The following PTPRD variants were observed in gnomAD, a reference collection of about 807,000 sequenced individuals.
PTPRD encodes the protein protein tyrosine phosphatase receptor type D, also known as receptor-type tyrosine-protein phosphatase delta.
In PTPRD, 34 loss-of-function variants were observed where a neutral mutation model predicts 214.5. That is an observed-to-expected ratio of 0.16 (90% CI 0.12 to 0.21). The LOEUF (loss-of-function observed/expected upper bound fraction) is 0.21, where lower values mean the gene tolerates loss of function less well. Ranked by LOEUF, PTPRD falls within the 10% of genes least tolerant of loss-of-function variation. The pLI is 1.00. For synonymous variants in PTPRD, 1,128 were observed against 845.7 expected, an observed-to-expected ratio of 1.33 and a Z score of -5.79; for missense variants, 2,545 against 2,398.7, an observed-to-expected ratio of 1.06 and a Z score of -1.27.
At chr9:8,995,751 C>T (rs1172271228) in intron 11 of PTPRD, among the ~76,000 whole-genome samples, 2 of 151,470 alleles carry the variant, frequency 1.3e-5, no homozygotes, top group Non-Finnish European at 2.9e-5. Context: ...GTGTTATATA[C>T]TGGTTCCTAA....
chr9:9,243,266 A>AG lies in PTPRD; in HGVS notation c.-202-59904dup, dbSNP rs552290393. On this transcript the variant is annotated intron_variant, in intron 9 of 45. Coordinates refer to ENST00000381196, the MANE Select transcript of PTPRD (RefSeq NM_002839.4). ...AAACTATTACAATCAATAGAAAAAG[A>AG]GGAATCCTCCCTAACTCATTTTATG... 3.9e-4 allele frequency among the ~76,000 whole-genome samples: 59 copies of AG among 152,246 alleles called. No individual in the cohort carries two copies. In the South Asian group the frequency reaches 9.1e-3, roughly 24 times the overall value.
intron 7 of PTPRD, among the ~76,000 whole-genome samples, chr9:9,619,891 T>C (rs2095138436): frequency 6.7e-6 from 1 of 149,756 alleles, no homozygotes; most frequent in Non-Finnish European, 1.5e-5. Context: ...TGTTTTTATA[T>C]ACAGATATTT....
chr9:9,781,027 G>C (rs576447262), intron 5 of PTPRD, among the ~76,000 whole-genome samples: 1 of 152,160 alleles, frequency 6.6e-6, no homozygotes, highest in East Asian at 1.9e-4. Context: ...GGTTGGCAGG[G>C]AGGGTGGAGA....
At chr9:10,465,966 A>C (rs2098990565) in intron 2 of PTPRD, among the ~76,000 whole-genome samples, 1 of 152,218 alleles carries the variant, frequency 6.6e-6, no homozygotes, top group Admixed American at 6.5e-5. Context: ...TTTCAAATAC[A>C]ATCAAAATAC....
intron 11 of PTPRD, among the ~76,000 whole-genome samples, chr9:8,739,280 T>C (rs1290585003): frequency 6.6e-6 from 1 of 152,206 alleles, no homozygotes; most frequent in Non-Finnish European, 1.5e-5. Flanking sequence ...ACTTTCAACA[T>C]TTCACTGACT....
chr9:8,810,048 A>C (rs541401176), intron 11 of PTPRD, among the ~76,000 whole-genome samples: 1 of 152,290 alleles, frequency 6.6e-6, no homozygotes, highest in East Asian at 1.9e-4. Flanking sequence ...GTGCTCCCCT[A>C]ATGGATATGA....
chr9:9,204,099 T>C (rs867630911), intron 9 of PTPRD, among the ~76,000 whole-genome samples: 1 of 152,174 alleles, frequency 6.6e-6, no homozygotes. Context: ...CTAAAATTAA[T>C]GCTGTGCGCC....
chr9:8,740,547 G>A (rs1424895270), intron 11 of PTPRD, among the ~76,000 whole-genome samples: 1 of 152,122 alleles, frequency 6.6e-6, no homozygotes, highest in Non-Finnish European at 1.5e-5. Context: ...CATTGAACAA[G>A]GTTATTGAAT....
Position 8,688,564 on chromosome 9 carries a change from CA to C in PTPRD, c.64+45215del, listed in dbSNP as rs547442943. Among the ~76,000 whole-genome samples the C allele has an allele frequency of 3.3e-3, 247 of 75,994 alleles. 2 individuals are homozygous for C. The highest frequency in any genetic ancestry group is 8.5e-3 in the African/African-American group (144 of 16,932). 49.9% of individuals were successfully genotyped at this position (75,994 alleles called of 152,430 possible). On this transcript the variant is annotated intron_variant, in intron 12 of 45. Transcript: ENST00000381196. Reference sequence around the variant, plus strand: ...TGGGCGATAGAGCGAGACTCTGTCTCAAAAAAAAAAAAAAAGAAAAAAATAT... The same window carrying C: ...TGGGCGATAGAGCGAGACTCTGTCTCAAAAAAAAAAAAAAGAAAAAAATAT...
rs758081033 is a variant in PTPRD at position 8,486,175 on chromosome 9, G to C, written c.2642C>G (p.Thr881Arg). ...LEFSEKEDHF[T>R]ATDIHKGASY... ...TGCTCCCTTGTGGATGTCTGTAGCT[G>C]TAAAGTGATCTTCTTTTTCAGAGAA... is the stretch of plus-strand genomic sequence containing the variant. Residue 881 changes from threonine (T) to arginine (R), a missense_variant, in exon 28 of 46, where the codon ACA (threonine) becomes AGA (arginine). Coordinates refer to ENST00000381196, the MANE Select transcript of PTPRD (RefSeq NM_002839.4). 21 of 1,614,062 alleles carry C rather than the reference G, an allele frequency of 1.3e-5. 1 individual carries two copies. In the South Asian group the frequency reaches 2.0e-4, roughly 15 times the overall value.
At chr9:10,526,282 G>A (rs1001443215) in intron 2 of PTPRD, among the ~76,000 whole-genome samples, 3 of 152,076 alleles carry the variant, frequency 2.0e-5, no homozygotes, top group African/African-American at 7.2e-5. Context: ...TACTCTTTCT[G>A]ACAATAATTT....
At chr9:8,999,088 T>C (rs938189601) in intron 11 of PTPRD, among the ~76,000 whole-genome samples, 2 of 152,026 alleles carry the variant, frequency 1.3e-5, no homozygotes, top group African/African-American at 4.8e-5. Flanking sequence ...GCTGTGAACA[T>C]TGTTGAAATG....
At chr9:10,533,655 G>C (rs1207681044) in intron 2 of PTPRD, among the ~76,000 whole-genome samples, 1 of 151,706 alleles carries the variant, frequency 6.6e-6, no homozygotes, top group East Asian at 1.9e-4. Flanking sequence ...ATAACAAAAT[G>C]ATACAAACTA....
chr9:9,531,716 G>A (rs778407962), intron 8 of PTPRD, among the ~76,000 whole-genome samples: 1 of 152,060 alleles, frequency 6.6e-6, no homozygotes, highest in Non-Finnish European at 1.5e-5. Context: ...AAATAGTGCT[G>A]CAATGAATAT....
intron 5 of PTPRD, among the ~76,000 whole-genome samples, chr9:9,913,203 G>A (rs1273076375): frequency 1.3e-5 from 2 of 152,084 alleles, no homozygotes; most frequent in African/African-American, 4.8e-5. Flanking sequence ...GTTATGCATA[G>A]TATTTCACTG....
intron 12 of PTPRD, among the ~76,000 whole-genome samples, chr9:8,666,292 G>A (rs1212124933): frequency 6.6e-6 from 1 of 152,136 alleles, no homozygotes; most frequent in African/African-American, 2.4e-5. Flanking sequence ...AATATTTTAA[G>A]TGTTAAGTCA....
At chr9:9,111,496 C>T (rs1396057838) in intron 10 of PTPRD, among the ~76,000 whole-genome samples, 1 of 151,916 alleles carries the variant, frequency 6.6e-6, no homozygotes, top group African/African-American at 2.4e-5. Flanking sequence ...TTCGAGCACC[C>T]CAAACAACCC....
intron 3 of PTPRD, among the ~76,000 whole-genome samples, chr9:10,186,427 G>A (rs1474904944): frequency 1.3e-5 from 2 of 152,024 alleles, no homozygotes; most frequent in Non-Finnish European, 2.9e-5. Flanking sequence ...TAAGAAAAAA[G>A]CATTTTATCA....
chr9:9,641,550 C>A (rs930151302), intron 7 of PTPRD, among the ~76,000 whole-genome samples: 1 of 152,130 alleles, frequency 6.6e-6, no homozygotes, highest in African/African-American at 2.4e-5. Context: ...ACCTCCATAA[C>A]AACTGTTTCT....
Sources: allele counts gnomAD v4.1 joint callset (sites outside exome capture counted in the v4.1 genomes callset), GRCh38; gene constraint gnomAD v4.1.1; transcripts MANE v1.5; gene names NCBI Gene and HGNC (gene_info 2026-07-23, HGNC 2026-07-21).